NDUFS3: variants seen among roughly 807,000 people sequenced by gnomAD.
NDUFS3 encodes NADH:ubiquinone oxidoreductase core subunit S3.
A neutral mutation model predicts 30.8 loss-of-function variants in NDUFS3; 19 were observed. The ratio of observed to expected loss-of-function variants is 0.62; its 90% CI spans 0.43 to 0.91. The LOEUF (loss-of-function observed/expected upper bound fraction) is 0.91, where lower values mean the gene tolerates loss of function less well. NDUFS3 is among the 40% of genes least tolerant of loss of function. The probability of loss-of-function intolerance (pLI) is 0.00; values close to 1 mark genes in which losing one functional copy is unlikely to be tolerated. For synonymous variants in NDUFS3, 153 were observed against 135.8 expected (o/e 1.13, Z -0.88); for missense variants, 331 against 342.0 (o/e 0.97, Z 0.25).
intron 2 of NDUFS3, 177 bp downstream of exon 2, chr11:47,579,511 G>A: frequency 4.2e-6 from 3 of 708,086 alleles, no homozygotes; most frequent in Non-Finnish European, 7.1e-6. Flanking sequence ...GGCCTGTTAT[G>A]GCCCTGATTG....
In NDUFS3 at chr11:47,584,535, C is replaced by T. The variant is rs547968656; in HGVS notation, c.*54C>T. ...AGCGCCTTATCTATGATTGAGTGTC[C>T]GTGTAAATAAATTCCTACTTAGACT... On this transcript the variant is annotated 3_prime_UTR_variant, in exon 7 of 7. Transcript: ENST00000263774. 55 of 1,597,404 alleles carry T rather than the reference C, an allele frequency of 3.4e-5. No individual in the cohort carries two copies. Among genetic ancestry groups the T allele is most frequent in the East Asian group, 6.7e-5 (3 of 44,794 alleles).
At chr11:47,579,757 A>G (rs1222693620) in intron 2 of NDUFS3, 1 of 282,904 alleles carries the variant, frequency 3.5e-6, no homozygotes, top group Non-Finnish European at 6.8e-6. Flanking sequence ...ATCAGGAAAC[A>G]GTCCAAAGAA....
chr11:47,584,484 C>A lies in NDUFS3; in HGVS notation c.*3C>A. 2 of 1,613,964 alleles carry A rather than the reference C, an allele frequency of 1.2e-6. No homozygotes were observed. The highest frequency in any genetic ancestry group is 1.7e-6 in the Non-Finnish European group (2 of 1,179,992). The stretch of plus-strand genomic sequence containing the variant: ...ACAAGAAGCCTGATGCCAAGTAGCT[C>A]CAGGGAACGCATGTGGATCCTAGAC... On this transcript the variant is annotated 3_prime_UTR_variant, in exon 7 of 7. Transcript: ENST00000263774.
chr11:47,581,901 T>A, intron 4 of NDUFS3, 187 bp from the exon 5 acceptor site: 6 of 739,540 alleles, frequency 8.1e-6, no homozygotes, highest in Non-Finnish European at 1.4e-5. Flanking sequence ...ACAAAGTGAA[T>A]AGCATGAGCA....
chr11:47,581,029 T>C, intron 4 of NDUFS3, 45 bp downstream of exon 4: 1 of 1,611,828 alleles, frequency 6.2e-7, no homozygotes, highest in South Asian at 1.1e-5. Flanking sequence ...AGGATATTAA[T>C]TTCAGTTTGT....
rs759140196 is a variant in NDUFS3, at chr11:47,579,334, CGTGA to C, written c.133+3_133+6del. ...GGAGAGCGCCGGGGCCGACACGCGCCGTGAGTATGTGCGGGCAGCGCTCTTCTCT... is the reference window on the plus strand; with the variant it reads ...GGAGAGCGCCGGGGCCGACACGCGCCGTATGTGCGGGCAGCGCTCTTCTCT... On this transcript the variant is annotated splice_donor_variant and splice_donor_region_variant and intron_variant, in intron 2 of 6. Transcript: ENST00000263774. LOFTEE classifies it high-confidence loss of function. The C allele has an allele frequency of 1.5e-4, 245 of 1,613,600 alleles. No homozygotes were observed. The highest frequency in any genetic ancestry group is 1.8e-4 in the Non-Finnish European group (218 of 1,180,042).
chr11:47,579,600 G>C lies in NDUFS3; in HGVS notation c.133+266G>C, dbSNP rs1268078492. ...TGAAAGCAAGCAATATAACCTTTAGGCCTCAGAGCCCTGTAATAATAGTAC... is the reference window on the plus strand; with the variant it reads ...TGAAAGCAAGCAATATAACCTTTAGCCCTCAGAGCCCTGTAATAATAGTAC... On this transcript the variant is annotated intron_variant, in intron 2 of 6. Transcript: ENST00000263774. The C allele has an allele frequency of 5.1e-6, 3 of 591,452 alleles. No homozygotes were observed. In the African/African-American group the frequency reaches 5.6e-5, roughly 11 times the overall value. 36.6% of individuals were successfully genotyped at this position (591,452 alleles called of 1,614,324 possible).
chr11:47,583,210 C>T (rs1481772271), intron 6 of NDUFS3, among the ~76,000 whole-genome samples: 1 of 151,906 alleles, frequency 6.6e-6, no homozygotes, highest in Non-Finnish European at 1.5e-5. Flanking sequence ...ACCAACATGC[C>T]CAGCAAATTT....
Position 47,582,215 on chromosome 11 carries a change from TGA to T in NDUFS3, c.507+4_507+5del. On this transcript the variant is annotated splice_donor_region_variant and intron_variant, in intron 5 of 6. Coordinates refer to ENST00000263774, the MANE Select transcript of NDUFS3 (RefSeq NM_004551.3). ...GCAGCCAACTGGTATGAAAGGGAGG[TGA>T]GTTACCGGATATGGTGGACCTGCCT... The T allele has an allele frequency of 3.7e-6, 6 of 1,613,820 alleles. No individual in the cohort carries two copies. Among genetic ancestry groups the T allele is most frequent in the Non-Finnish European group, 5.1e-6 (6 of 1,179,950 alleles).
At chr11:47,579,217 G>A in intron 1 of NDUFS3, 52 bp from the exon 2 acceptor site, 1 of 1,613,998 alleles carries the variant, frequency 6.2e-7, no homozygotes, top group Non-Finnish European at 8.5e-7. Context: ...CCAGTGCAGA[G>A]AGCTCCTCAG....
rs2233357 is a variant in NDUFS3, at chr11:47,582,003, C to T, written c.382-85C>T. On this transcript the variant is annotated intron_variant, in intron 4 of 6. Coordinates refer to ENST00000263774, the MANE Select transcript of NDUFS3 (RefSeq NM_004551.3). ...AGGAGAATCTTGAGGTTTTGAGGTT[C>T]AGAATAGAAGGCAGGGTCACAGGGC... 1.2e-3 allele frequency: 1,859 copies of T among 1,560,322 alleles called. 22 individuals carry two copies. In the African/African-American group the frequency reaches 0.021, roughly 18 times the overall value.
intron 4 of NDUFS3, 172 bp from the exon 5 acceptor site, chr11:47,581,915 AC>A (rs2153795372): frequency 1.2e-6 from 1 of 834,278 alleles, no homozygotes; most frequent in East Asian, 2.5e-5. Flanking sequence ...ATGAGCAAAC[AC>A]AGGCATGCTG....
intron 2 of NDUFS3, among the ~76,000 whole-genome samples, chr11:47,580,021 ACACACAC>A (rs1731898649): frequency 1.6e-5 from 2 of 123,906 alleles, no homozygotes; most frequent in Non-Finnish European, 3.4e-5. Context: ...ACACACACAC[ACACACAC>A]ACCTGGGCCT....
chr11:47,582,551 C>T (rs1045869601), intron 6 of NDUFS3, 83 bp downstream of exon 6: 16 of 1,600,044 alleles, frequency 1.0e-5, no homozygotes, highest in Middle Eastern at 2.0e-4. Context: ...GCAAGAAATA[C>T]GGTCTGTGGA....
chr11:47,579,283 T>G lies in NDUFS3; in HGVS notation c.82T>G (p.Ser28Ala), dbSNP rs1183082160. 6.2e-7 allele frequency: 1 copy of G among 1,614,166 alleles called. No homozygotes were observed. The highest frequency in any genetic ancestry group is 8.5e-7 in the Non-Finnish European group (1 of 1,180,036). ...SALTRGTGRP[S>A]VLLLPVRRES... ...TCCCTGTGCAGGGACTGGGCGACCC[T>G]CCGTTCTGTTGCTGCCGGTGAGGCG... Residue 28 changes from serine to alanine, a missense_variant, in exon 2 of 7, where the codon TCC becomes GCC. Coordinates refer to ENST00000263774, the MANE Select transcript of NDUFS3 (RefSeq NM_004551.3).
At chr11:47,580,446 CT>C in intron 2 of NDUFS3, 78 bp from the exon 3 acceptor site, 4 of 1,358,728 alleles carry the variant, frequency 2.9e-6, no homozygotes, top group Non-Finnish European at 4.2e-6. Context: ...TTTGACATCC[CT>C]TACAAGCCTA....
chr11:47,580,350 T>G (rs1320814928), intron 2 of NDUFS3, among the ~76,000 whole-genome samples, 175 bp from the exon 3 acceptor site: 2 of 151,900 alleles, frequency 1.3e-5, no homozygotes, highest in Non-Finnish European at 2.9e-5. Flanking sequence ...GGTGGCACTT[T>G]CCCCAAGTTT....
At chr11:47,582,048 A>C (rs1410456290) in intron 4 of NDUFS3, 40 bp from the exon 5 acceptor site, 3 of 1,611,300 alleles carry the variant, frequency 1.9e-6, no homozygotes, top group Admixed American at 3.3e-5. Context: ...CCAATCAGGG[A>C]CTCCCATCTC....
chr11:47,580,782 G>A (rs773445257), intron 3 of NDUFS3, 53 bp from the exon 4 acceptor site: 2 of 1,612,952 alleles, frequency 1.2e-6, no homozygotes, highest in Non-Finnish European at 8.5e-7. Flanking sequence ...GCTGAAGTTA[G>A]CTGTTCCCTC....
Sources: allele counts gnomAD v4.1 joint callset (sites outside exome capture counted in the v4.1 genomes callset), GRCh38; gene constraint gnomAD v4.1.1; transcripts MANE v1.5; gene names NCBI Gene and HGNC (gene_info 2026-07-23, HGNC 2026-07-21).